SGCZ: variants seen among roughly 807,000 people sequenced by gnomAD.
The protein encoded by SGCZ is sarcoglycan zeta, also known as zeta-sarcoglycan.
Under a neutral mutation model 41.3 loss-of-function variants are expected in SGCZ, and 40 were observed. The ratio of observed to expected loss-of-function variants is 0.97; its 90% CI spans 0.75 to 1.26. The LOEUF is 1.26. SGCZ is among the 50% of genes most tolerant of loss of function. The pLI is 0.00. For synonymous variants in SGCZ, 206 were observed against 137.5 expected, an observed-to-expected ratio of 1.50 and a Z score of -3.49; for missense variants, 552 against 369.8, an observed-to-expected ratio of 1.49 and a Z score of -4.04.
intron 1 of SGCZ, among the ~76,000 whole-genome samples, chr8:14,738,060 T>C (rs1264489618): frequency 1.3e-5 from 2 of 152,116 alleles, no homozygotes; most frequent in Non-Finnish European, 2.9e-5. Context: ...ATCCTGGCGT[T>C]CGCACTTTAG....
chr8:14,092,902 A>C (rs907751764), intron 7 of SGCZ, among the ~76,000 whole-genome samples: 4 of 133,362 alleles, frequency 3.0e-5, no homozygotes, highest in Non-Finnish European at 7.3e-5. Flanking sequence ...ATTAGATTTG[A>C]AGTCTCCATG....
At chr8:15,047,499 A>T (rs777254389) in intron 1 of SGCZ, among the ~76,000 whole-genome samples, 10 of 152,040 alleles carry the variant, frequency 6.6e-5, no homozygotes, top group Admixed American at 2.6e-4. Flanking sequence ...AATGTTAGTT[A>T]TGAATTCAAA....
At chr8:15,230,232 G>C (rs558216014) in intron 1 of SGCZ, among the ~76,000 whole-genome samples, 2 of 148,734 alleles carry the variant, frequency 1.3e-5, no homozygotes, top group East Asian at 3.9e-4. Context: ...TTTGCAACAA[G>C]ATTAAATACT....
At chr8:14,812,899 T>C (rs1282564097) in intron 1 of SGCZ, among the ~76,000 whole-genome samples, 1 of 152,322 alleles carries the variant, frequency 6.6e-6, no homozygotes, top group Non-Finnish European at 1.5e-5. Context: ...AGAAAACTCT[T>C]CCTTTGAGGA....
intron 5 of SGCZ, among the ~76,000 whole-genome samples, chr8:14,148,057 T>G (rs887359259): frequency 6.6e-6 from 1 of 151,944 alleles, no homozygotes; most frequent in African/African-American, 2.4e-5. Context: ...GCAAAAATAG[T>G]ACTCAGAGGG....
At chr8:14,485,084 T>C (rs1245457103) in intron 2 of SGCZ, among the ~76,000 whole-genome samples, 8 of 152,338 alleles carry the variant, frequency 5.3e-5, no homozygotes, top group Middle Eastern at 3.4e-3. Context: ...TGGAAGGCAC[T>C]GAGACAGAGG....
At chr8:14,910,870 T>C (rs1427493752) in intron 1 of SGCZ, among the ~76,000 whole-genome samples, 1 of 151,980 alleles carries the variant, frequency 6.6e-6, no homozygotes, top group Non-Finnish European at 1.5e-5. Flanking sequence ...GAAGCAAAAG[T>C]TGAATACATC....
At chr8:15,022,499 G>A (rs138052334) in intron 1 of SGCZ, among the ~76,000 whole-genome samples, 6,708 of 151,908 alleles carry the variant, frequency 0.044, 180 homozygotes, top group Non-Finnish European at 0.056. Flanking sequence ...ATGAGCCACC[G>A]CGCCCAGCTA....
intron 1 of SGCZ, among the ~76,000 whole-genome samples, chr8:14,974,135 A>G (rs1360882872): frequency 6.6e-6 from 1 of 152,154 alleles, no homozygotes; most frequent in Non-Finnish European, 1.5e-5. Flanking sequence ...AACTGCCTAT[A>G]ATTGTTGGAG....
At chr8:14,242,491 T>C (rs1798925458) in intron 3 of SGCZ, among the ~76,000 whole-genome samples, 1 of 152,160 alleles carries the variant, frequency 6.6e-6, no homozygotes, top group African/African-American at 2.4e-5. Flanking sequence ...CATTTCTGCA[T>C]CATAGTCTCT....
chr8:14,642,823 C>A (rs1275726756), intron 1 of SGCZ, among the ~76,000 whole-genome samples: 1 of 151,370 alleles, frequency 6.6e-6, no homozygotes, highest in African/African-American at 2.4e-5. Context: ...TACTGAAACA[C>A]AGCATGATTT....
chr8:14,254,188 C>G (rs553697563), intron 3 of SGCZ, among the ~76,000 whole-genome samples: 1 of 151,948 alleles, frequency 6.6e-6, no homozygotes, highest in Non-Finnish European at 1.5e-5. Flanking sequence ...GAGGTGAACC[C>G]TGGATTTTGA....
intron 1 of SGCZ, among the ~76,000 whole-genome samples, chr8:14,906,738 G>A (rs1799129714): frequency 6.6e-6 from 1 of 152,194 alleles, no homozygotes; most frequent in Non-Finnish European, 1.5e-5. Context: ...ACAGTTCTGA[G>A]AAATCAACTG....
intron 1 of SGCZ, among the ~76,000 whole-genome samples, chr8:14,820,050 G>A (rs58644303): frequency 0.16 from 23,919 of 151,766 alleles, 2,786 homozygotes; most frequent in African/African-American, 0.32. Context: ...GAATTAAATT[G>A]TCCAATTAAA....
intron 1 of SGCZ, among the ~76,000 whole-genome samples, chr8:15,126,919 C>G (rs1807712874): frequency 6.6e-6 from 1 of 152,076 alleles, no homozygotes; most frequent in Non-Finnish European, 1.5e-5. Context: ...GGAAGAGAGG[C>G]CAGAGAGTAG....
intron 1 of SGCZ, among the ~76,000 whole-genome samples, chr8:15,077,446 C>T (rs1805577332): frequency 6.6e-6 from 1 of 152,204 alleles, no homozygotes; most frequent in Non-Finnish European, 1.5e-5. Flanking sequence ...AGCAAAAGCA[C>T]TAGACAATCC....
intron 1 of SGCZ, among the ~76,000 whole-genome samples, chr8:14,637,995 A>G (rs1328021340): frequency 6.6e-6 from 1 of 151,776 alleles, no homozygotes; most frequent in African/African-American, 2.4e-5. Context: ...TTGACATTTT[A>G]GTAATAGTCA....
chr8:14,922,938 T>C (rs965761187), intron 1 of SGCZ, among the ~76,000 whole-genome samples: 1 of 152,226 alleles, frequency 6.6e-6, no homozygotes, highest in East Asian at 1.9e-4. Context: ...CATTTTCTCA[T>C]AAAGTTTTCT....
intron 3 of SGCZ, among the ~76,000 whole-genome samples, chr8:14,298,112 G>T (rs1585333681): frequency 6.6e-6 from 1 of 151,720 alleles, no homozygotes; most frequent in Non-Finnish European, 1.5e-5. Flanking sequence ...CAAATAAAAA[G>T]ATTATTTTAA....
Sources: allele counts gnomAD v4.1 joint callset (sites outside exome capture counted in the v4.1 genomes callset), GRCh38; gene constraint gnomAD v4.1.1; transcripts MANE v1.5; gene names NCBI Gene and HGNC (gene_info 2026-07-23, HGNC 2026-07-21).